UBE2K: variants seen among roughly 807,000 people sequenced by gnomAD.
UBE2K encodes the protein ubiquitin conjugating enzyme E2 K.
Under a neutral mutation model 30.0 loss-of-function variants are expected in UBE2K, and 6 were observed. The observed-to-expected ratio is 0.20, with a 90% CI of 0.11 to 0.39. The LOEUF (loss-of-function observed/expected upper bound fraction) is 0.39, where lower values mean the gene tolerates loss of function less well. Ranked by LOEUF, UBE2K falls within the 10% of genes least tolerant of loss-of-function variation. UBE2K has a pLI of 1.00. For synonymous variants in UBE2K, 86 were observed against 83.7 expected, an observed-to-expected ratio of 1.03 and a Z score of -0.15; for missense variants, 61 against 241.6, an observed-to-expected ratio of 0.25 and a Z score of 4.96.
intron 4 of UBE2K, among the ~76,000 whole-genome samples, chr4:39,757,712 C>T (rs772758846): frequency 3.3e-5 from 5 of 152,278 alleles, no homozygotes; most frequent in African/African-American, 9.6e-5. Context: ...ATTAGGTTAT[C>T]GCCAAGGCCT....
intron 4 of UBE2K, among the ~76,000 whole-genome samples, chr4:39,756,469 T>C (rs993450849): frequency 1.3e-5 from 2 of 152,216 alleles, no homozygotes; most frequent in African/African-American, 2.4e-5. Context: ...TTTGTTTGTT[T>C]TGAGACAGGG....
At chr4:39,750,545 A>C (rs928928344) in intron 3 of UBE2K, among the ~76,000 whole-genome samples, 10 of 152,034 alleles carry the variant, frequency 6.6e-5, no homozygotes, top group African/African-American at 2.4e-4. Flanking sequence ...TTGTATATAA[A>C]AATAAGGAGA....
chr4:39,751,777 C>G (rs1342739695), intron 3 of UBE2K, among the ~76,000 whole-genome samples: 1 of 151,946 alleles, frequency 6.6e-6, no homozygotes, highest in Non-Finnish European at 1.5e-5. Context: ...ACCAGCCTGG[C>G]CAACATGGTG....
intron 1 of UBE2K, among the ~76,000 whole-genome samples, chr4:39,716,168 T>C (rs1248594855): frequency 1.3e-5 from 2 of 152,262 alleles, no homozygotes; most frequent in Non-Finnish European, 2.9e-5. Context: ...TCCACTTGTC[T>C]CTGGAATGTT....
chr4:39,728,827 G>GTTT (rs372834149), intron 1 of UBE2K, among the ~76,000 whole-genome samples: 13,691 of 128,270 alleles, frequency 0.11, 855 homozygotes, highest in East Asian at 0.21. Context: ...TGTTTTTTTT[G>GTTT]TTTTTTTTTT....
At position 39,736,824 on chromosome 4, in the gene UBE2K, T is replaced by C. The variant is rs151232568; in HGVS notation, c.64-596T>C. Among the ~76,000 whole-genome samples, 140 of 152,280 alleles carry C rather than the reference T, an allele frequency of 9.2e-4. 1 individual carries two copies. Among genetic ancestry groups the C allele is most frequent in the East Asian group, 7.7e-3 (40 of 5,188 alleles). On this transcript the variant is annotated intron_variant, in intron 1 of 6. Transcript: ENST00000261427. ...CAGAAAAACAAATTGAAGAAGGCCT[T>C]TTCTTTTGAGGCATTTAGTCCTCTG...
chr4:39,715,575 G>A (rs1422613466), intron 1 of UBE2K, among the ~76,000 whole-genome samples: 1 of 152,170 alleles, frequency 6.6e-6, no homozygotes, highest in African/African-American at 2.4e-5. Flanking sequence ...CTTCCAAAGT[G>A]CTGGGATTAC....
Position 39,748,510 on chromosome 4 carries a change from T to A in UBE2K, c.216+2700T>A, listed in dbSNP as rs192409438. Among the ~76,000 whole-genome samples, 219 of 152,078 alleles carry A rather than the reference T, an allele frequency of 1.4e-3. 5 individuals are homozygous for A. Among genetic ancestry groups the A allele is most frequent in the Admixed American group, 0.012 (178 of 15,254 alleles). ...GCCACTGTTACCTGGCCAGGCATGGTGGCTCACGCCTATAATCCCAGCACT... is the reference window on the plus strand; with the variant it reads ...GCCACTGTTACCTGGCCAGGCATGGAGGCTCACGCCTATAATCCCAGCACT... On this transcript the variant is annotated intron_variant, in intron 3 of 6. Coordinates refer to ENST00000261427, the MANE Select transcript of UBE2K (RefSeq NM_005339.5).
At chr4:39,764,557 C>T (rs1029925033) in intron 4 of UBE2K, among the ~76,000 whole-genome samples, 1 of 151,946 alleles carries the variant, frequency 6.6e-6, no homozygotes, top group Admixed American at 6.6e-5. Context: ...AGCATTCTTC[C>T]CACCTCAGCT....
intron 3 of UBE2K, among the ~76,000 whole-genome samples, chr4:39,748,037 TC>T (rs1721070708): frequency 6.6e-6 from 1 of 151,754 alleles, no homozygotes; most frequent in Non-Finnish European, 1.5e-5. Flanking sequence ...ACTGACTCCA[TC>T]TGAAAAAAAG....
chr4:39,699,331 C>G (rs1214687261), intron 1 of UBE2K, among the ~76,000 whole-genome samples: 1 of 152,110 alleles, frequency 6.6e-6, no homozygotes, highest in Admixed American at 6.5e-5. Flanking sequence ...AAAAGCAGAC[C>G]TATTAAAAAT....
intron 1 of UBE2K, chr4:39,714,574 GTCTC>G (rs1168453129): frequency 3.3e-5 from 1 of 30,574 alleles, no homozygotes. Context: ...TTAAGACTGA[GTCTC>G]TCTCTGTTGC....
chr4:39,743,419 C>G (rs12643005), intron 2 of UBE2K, among the ~76,000 whole-genome samples: 1 of 152,000 alleles, frequency 6.6e-6, no homozygotes, highest in African/African-American at 2.4e-5. Context: ...CTGGCTAACA[C>G]GGTGAAACCC....
chr4:39,755,530 T>A, intron 3 of UBE2K, 127 bp from the exon 4 acceptor site: 1 of 658,560 alleles, frequency 1.5e-6, no homozygotes. Context: ...TTCTTTCACC[T>A]AGGCAAAATG....
At chr4:39,748,345 T>C (rs1312618794) in intron 3 of UBE2K, among the ~76,000 whole-genome samples, 1 of 152,130 alleles carries the variant, frequency 6.6e-6, no homozygotes, top group East Asian at 1.9e-4. Context: ...CCCTCCACCT[T>C]GGCCTCCCAA....
At position 39,778,666 on chromosome 4, in the gene UBE2K, G is replaced by A. The variant is rs1000418599; in HGVS notation, c.*232G>A. On this transcript the variant is annotated 3_prime_UTR_variant, in exon 7 of 7. Coordinates refer to ENST00000261427, the MANE Select transcript of UBE2K (RefSeq NM_005339.5). The stretch of plus-strand genomic sequence containing the variant: ...TACTTTAATTTTTTTTCTTAATAGT[G>A]TAAAAATTCCCTGAGCTAAGCTAAA... 1.6e-5 allele frequency: 6 copies of A among 368,114 alleles called. No homozygotes were observed. The highest frequency in any genetic ancestry group is 2.5e-5 in the Non-Finnish European group (5 of 203,502). The allele number at this position is 368,114 out of a possible 1,614,324, so 22.8% of individuals were successfully genotyped here. A position where few individuals can be genotyped will look rare whatever the true frequency, so the allele number is the denominator to read the frequency against.
rs934635748 is a variant in UBE2K, at chr4:39,773,544, G to C, written c.300-1290G>C. On this transcript the variant is annotated intron_variant, in intron 4 of 6. Coordinates refer to ENST00000261427, the MANE Select transcript of UBE2K (RefSeq NM_005339.5). ...GTTTTTAGAGTGCCATTGAAAGAAA[G>C]CCTCACATGCTATTAGTACTAATGA... is the stretch of plus-strand genomic sequence containing the variant. 2.0e-5 allele frequency among the ~76,000 whole-genome samples: 3 copies of C among 152,254 alleles called. No individual in the cohort carries two copies. In the East Asian group the frequency reaches 5.8e-4, roughly 29 times the overall value.
intron 1 of UBE2K, among the ~76,000 whole-genome samples, chr4:39,734,983 A>G (rs185304287): frequency 1.8e-4 from 27 of 152,302 alleles, no homozygotes; most frequent in African/African-American, 5.3e-4. Flanking sequence ...TTAGTATCCT[A>G]TCATCTTTGG....
At chr4:39,733,051 G>GAAAAAAAAAAAAAAAAAAAAA (rs59978380) in intron 1 of UBE2K, among the ~76,000 whole-genome samples, 1 of 97,062 alleles carries the variant, frequency 1.0e-5, no homozygotes, top group African/African-American at 3.7e-5. Flanking sequence ...GGAACATCAG[G>GAAAAAAAAAAAAAAAAAAAAA]AAAAAAAAAA....
Sources: allele counts gnomAD v4.1 joint callset (sites outside exome capture counted in the v4.1 genomes callset), GRCh38; gene constraint gnomAD v4.1.1; transcripts MANE v1.5; gene names NCBI Gene and HGNC (gene_info 2026-07-23, HGNC 2026-07-21).